COL5A2: variants seen among roughly 807,000 people sequenced by gnomAD.
COL5A2 encodes collagen alpha-2(V) chain.
In COL5A2, 23 loss-of-function variants were observed where a neutral mutation model predicts 208.2. That is an observed-to-expected ratio of 0.11 (90% CI 0.08 to 0.16). The LOEUF (loss-of-function observed/expected upper bound fraction) is 0.16. COL5A2 is among the 10% of genes least tolerant of loss of function. The probability of loss-of-function intolerance (pLI) is 1.00; values close to 1 mark genes in which losing one functional copy is unlikely to be tolerated. For missense variants in COL5A2, 1,590 were observed against 1,956.4 expected, an observed-to-expected ratio of 0.81 and a Z score of 3.53; for synonymous variants, 625 against 628.5, an observed-to-expected ratio of 0.99 and a Z score of 0.08.
intron 1 of COL5A2, among the ~76,000 whole-genome samples, chr2:189,217,910 T>A (rs530751655): frequency 6.6e-6 from 1 of 152,288 alleles, no homozygotes; most frequent in Non-Finnish European, 1.5e-5. Flanking sequence ...AGGCAGATTT[T>A]CTGGCAGATT....
the COL5A2 span, among the ~76,000 whole-genome samples, chr2:189,345,579 C>T: frequency 6.6e-6 from 1 of 151,906 alleles, no homozygotes; most frequent in African/African-American, 2.4e-5. Context: ...AGATAAGTAT[C>T]TCAGGAAAAA....
intron 1 of COL5A2, among the ~76,000 whole-genome samples, chr2:189,145,380 T>C (rs983295013): frequency 6.6e-6 from 1 of 152,152 alleles, no homozygotes; most frequent in Admixed American, 6.6e-5. Context: ...CCTATTTAAA[T>C]AGTAAAATAC....
At chr2:189,253,726 G>T in the COL5A2 span, among the ~76,000 whole-genome samples, 1 of 152,178 alleles carries the variant, frequency 6.6e-6, no homozygotes, top group African/African-American at 2.4e-5. Context: ...TTTGGTCGAA[G>T]TTCTCTGAAA....
At chr2:189,334,090 T>C in the COL5A2 span, among the ~76,000 whole-genome samples, 1 of 151,990 alleles carries the variant, frequency 6.6e-6, no homozygotes, top group Non-Finnish European at 1.5e-5. Context: ...TCAAAATTCT[T>C]AGCAAATTAG....
chr2:189,333,549 A>G, the COL5A2 span, among the ~76,000 whole-genome samples: 2,585 of 152,174 alleles, frequency 0.017, 78 homozygotes, highest in African/African-American at 0.059. Context: ...CTACCCCCAA[A>G]ATTCTATGTT....
chr2:189,108,726 C>A (rs982612346), intron 2 of COL5A2, among the ~76,000 whole-genome samples: 11 of 151,810 alleles, frequency 7.2e-5, no homozygotes, highest in Non-Finnish European at 1.3e-4. Flanking sequence ...GGGTGCCCAT[C>A]TTCAGGGTTA....
At chr2:189,115,336 C>G (rs976650703) in intron 1 of COL5A2, among the ~76,000 whole-genome samples, 1 of 151,862 alleles carries the variant, frequency 6.6e-6, no homozygotes, top group Admixed American at 6.6e-5. Context: ...ACTAAATTAT[C>G]ACAATTGCAG....
chr2:189,125,535 A>G (rs933753679), intron 1 of COL5A2, among the ~76,000 whole-genome samples: 3 of 152,042 alleles, frequency 2.0e-5, no homozygotes, highest in African/African-American at 7.2e-5. Flanking sequence ...TTTTCAGCCT[A>G]CTCAAAATGA....
the COL5A2 span, among the ~76,000 whole-genome samples, chr2:189,242,751 G>A: frequency 3.9e-5 from 6 of 152,182 alleles, no homozygotes; most frequent in Non-Finnish European, 8.8e-5. Context: ...AATTAATGGA[G>A]CAGGCTGAAC....
At chr2:189,436,686 T>C in the COL5A2 span, among the ~76,000 whole-genome samples, 149 of 152,172 alleles carry the variant, frequency 9.8e-4, no homozygotes, top group Non-Finnish European at 1.8e-3. Context: ...AGGAACAAGA[T>C]CATGTCCTTT....
intron 1 of COL5A2, among the ~76,000 whole-genome samples, chr2:189,164,040 TAG>T (rs1688419731): frequency 6.6e-6 from 1 of 152,194 alleles, no homozygotes; most frequent in East Asian, 1.9e-4. Context: ...TCTACACAAG[TAG>T]AGAGTCTTAA....
At chr2:189,162,027 G>A (rs548523638) in intron 1 of COL5A2, among the ~76,000 whole-genome samples, 171 of 152,148 alleles carry the variant, frequency 1.1e-3, no homozygotes, top group Non-Finnish European at 2.0e-3. Context: ...TTCATGTAGC[G>A]GAATGACTTC....
intron 1 of COL5A2, among the ~76,000 whole-genome samples, chr2:189,144,127 C>A (rs1317882240): frequency 6.6e-6 from 1 of 152,010 alleles, no homozygotes; most frequent in Non-Finnish European, 1.5e-5. Flanking sequence ...TTCTTCCCTG[C>A]AAGAAACCAT....
intron 13 of COL5A2, among the ~76,000 whole-genome samples, chr2:189,080,708 G>A (rs1253226811): frequency 6.6e-6 from 1 of 152,024 alleles, no homozygotes; most frequent in Non-Finnish European, 1.5e-5. Flanking sequence ...TTAGCCTGAA[G>A]CTTCAGGCTA....
the COL5A2 span, among the ~76,000 whole-genome samples, chr2:189,314,418 G>A: frequency 6.6e-6 from 1 of 152,170 alleles, no homozygotes; most frequent in East Asian, 1.9e-4. Flanking sequence ...ACACACCAGA[G>A]TCTCTGGGAC....
At chr2:189,055,689 C>G (rs1304611208) in intron 35 of COL5A2, among the ~76,000 whole-genome samples, 1 of 152,144 alleles carries the variant, frequency 6.6e-6, no homozygotes, top group African/African-American at 2.4e-5. Flanking sequence ...TTTTTCCCTA[C>G]TATGAGATTG....
Position 189,041,581 on chromosome 2 carries a change from T to C in COL5A2, c.3633+5A>G. The C allele has an allele frequency of 6.2e-7, 1 of 1,604,268 alleles. No individual in the cohort carries two copies. The highest frequency in any genetic ancestry group is 1.7e-5 in the Admixed American group (1 of 60,014). On this transcript the variant is annotated splice_donor_5th_base_variant and intron_variant, in intron 50 of 53. Coordinates refer to ENST00000374866, the MANE Select transcript of COL5A2 (RefSeq NM_000393.5). ...TTTCTTGCATGTAAACCTTTGTGACTTTACCTCAGGTCCTGCTTCTCCTAC... is the reference window on the plus strand; with the variant it reads ...TTTCTTGCATGTAAACCTTTGTGACCTTACCTCAGGTCCTGCTTCTCCTAC...
At chr2:189,233,404 G>T in the COL5A2 span, among the ~76,000 whole-genome samples, 3 of 151,704 alleles carry the variant, frequency 2.0e-5, no homozygotes, top group African/African-American at 7.2e-5. Context: ...ACTTCCTGTA[G>T]CTGCTTGTCA....
At chr2:189,167,749 A>G (rs1688494806) in intron 1 of COL5A2, among the ~76,000 whole-genome samples, 1 of 150,278 alleles carries the variant, frequency 6.7e-6, no homozygotes, top group Admixed American at 6.7e-5. Flanking sequence ...AATGCAACCC[A>G]GAGCAATGCA....
Sources: allele counts gnomAD v4.1 joint callset (sites outside exome capture counted in the v4.1 genomes callset), GRCh38; gene constraint gnomAD v4.1.1; transcripts MANE v1.5; gene names NCBI Gene and HGNC (gene_info 2026-07-23, HGNC 2026-07-21).